The following C8orf34 variants were observed in gnomAD, a reference collection of about 807,000 sequenced individuals.
C8orf34 encodes the protein uncharacterized protein C8orf34.
In C8orf34, 65 loss-of-function variants were observed where a neutral mutation model predicts 68.3. The ratio of observed to expected loss-of-function variants is 0.95; its 90% CI spans 0.78 to 1.17. The LOEUF (loss-of-function observed/expected upper bound fraction) is 1.17, where lower values mean the gene tolerates loss of function less well. Ranked by LOEUF, C8orf34 falls within the 50% of genes most tolerant of loss-of-function variation. C8orf34 has a pLI of 0.00. For missense variants in C8orf34, 664 were observed against 655.4 expected (o/e 1.01, Z -0.14); for synonymous variants, 244 against 241.2 (o/e 1.01, Z -0.11).
At chr8:68,425,354 C>G (rs1404327124) in intron 1 of C8orf34, among the ~76,000 whole-genome samples, 2 of 152,076 alleles carry the variant, frequency 1.3e-5, no homozygotes, top group Non-Finnish European at 2.9e-5. Flanking sequence ...TTTCTATTTG[C>G]AAATGACATG....
chr8:68,749,687 A>G (rs1156260860), intron 10 of C8orf34, among the ~76,000 whole-genome samples: 1 of 152,212 alleles, frequency 6.6e-6, no homozygotes, highest in Admixed American at 6.5e-5. Flanking sequence ...ATATAAATGG[A>G]ATAATACTGT....
At chr8:68,467,758 G>A (rs1812211086) in intron 3 of C8orf34, among the ~76,000 whole-genome samples, 1 of 151,768 alleles carries the variant, frequency 6.6e-6, no homozygotes, top group South Asian at 2.1e-4. Context: ...TCCCTAGTTG[G>A]GTATACAGTT....
intron 10 of C8orf34, among the ~76,000 whole-genome samples, chr8:68,737,052 A>G (rs1442991375): frequency 6.6e-6 from 1 of 152,138 alleles, no homozygotes; most frequent in East Asian, 1.9e-4. Context: ...CCATAGTGTC[A>G]GTACAACTAT....
At chr8:68,597,072 G>A (rs1447500862) in intron 7 of C8orf34, among the ~76,000 whole-genome samples, 1 of 152,094 alleles carries the variant, frequency 6.6e-6, no homozygotes, top group Non-Finnish European at 1.5e-5. Flanking sequence ...TTAAAGTAAT[G>A]TTATGCAGTC....
intron 1 of C8orf34, among the ~76,000 whole-genome samples, chr8:68,333,658 T>C (rs1401968593): frequency 6.6e-6 from 1 of 152,196 alleles, no homozygotes; most frequent in East Asian, 1.9e-4. Context: ...TCTAGGACCT[T>C]ACTCAATAGT....
At chr8:68,718,002 C>G (rs1365107363) in intron 9 of C8orf34, among the ~76,000 whole-genome samples, 1 of 152,182 alleles carries the variant, frequency 6.6e-6, no homozygotes, top group African/African-American at 2.4e-5. Context: ...GGTTTCTGCT[C>G]ATAGATATTC....
At chr8:68,598,069 G>A (rs1203562009) in intron 7 of C8orf34, among the ~76,000 whole-genome samples, 1 of 149,628 alleles carries the variant, frequency 6.7e-6, no homozygotes, top group Non-Finnish European at 1.5e-5. Context: ...TTAAGCTAAG[G>A]TGACTGCTTG....
intron 1 of C8orf34, among the ~76,000 whole-genome samples, chr8:68,400,705 T>C (rs934792978): frequency 6.6e-6 from 1 of 152,108 alleles, no homozygotes; most frequent in Non-Finnish European, 1.5e-5. Context: ...GGACTACAAG[T>C]GTGCACCACC....
chr8:68,765,126 A>C (rs1476179905), intron 10 of C8orf34, among the ~76,000 whole-genome samples: 1 of 152,226 alleles, frequency 6.6e-6, no homozygotes, highest in Non-Finnish European at 1.5e-5. Flanking sequence ...TATAATAATG[A>C]CAGCCAGGGA....
At chr8:68,529,405 A>G (rs1409364153) in intron 6 of C8orf34, among the ~76,000 whole-genome samples, 1 of 152,206 alleles carries the variant, frequency 6.6e-6, no homozygotes, top group Non-Finnish European at 1.5e-5. Context: ...TTATTTATTC[A>G]AATATTTTCC....
chr8:68,394,847 GA>G (rs1400103575), intron 1 of C8orf34, among the ~76,000 whole-genome samples: 1 of 151,940 alleles, frequency 6.6e-6, no homozygotes, highest in Non-Finnish European at 1.5e-5. Flanking sequence ...CTATACTGTA[GA>G]AAATACTAAG....
At chr8:68,379,264 G>C (rs985288646) in intron 1 of C8orf34, among the ~76,000 whole-genome samples, 1 of 152,144 alleles carries the variant, frequency 6.6e-6, no homozygotes, top group African/African-American at 2.4e-5. Context: ...GAAGATTTTT[G>C]CACCTTTAAG....
chr8:68,561,857 A>G lies in C8orf34; in HGVS notation c.1105+28708A>G, dbSNP rs570857066. ...GGCCTACACAGGGTCAGCATCATCA[A>G]TGTCACTTTCTTCCACCTCCACATC... On this transcript the variant is annotated intron_variant, in intron 7 of 13. Coordinates refer to ENST00000518698, the MANE Select transcript of C8orf34 (RefSeq NM_052958.4). Among the ~76,000 whole-genome samples the G allele has an allele frequency of 1.2e-4, 19 of 152,218 alleles. No individual in the cohort carries two copies. The South Asian group carries it at 3.9e-3, about 32-fold the overall frequency.
chr8:68,556,383 C>A (rs1816255742), intron 7 of C8orf34, among the ~76,000 whole-genome samples: 1 of 147,796 alleles, frequency 6.8e-6, no homozygotes. Flanking sequence ...ACTAAAACTA[C>A]TATGAATTTT....
chr8:68,364,790 G>A (rs1292876629), intron 1 of C8orf34, among the ~76,000 whole-genome samples: 9 of 149,322 alleles, frequency 6.0e-5, no homozygotes, highest in African/African-American at 2.0e-4. Context: ...ACAAGAGAAA[G>A]CAGGAAAGAT....
chr8:68,612,487 G>A (rs1055758735), intron 7 of C8orf34, among the ~76,000 whole-genome samples: 7 of 151,000 alleles, frequency 4.6e-5, no homozygotes, highest in African/African-American at 9.7e-5. Flanking sequence ...ATCTTGCCCC[G>A]GCTCAAGAAA....
intron 1 of C8orf34, among the ~76,000 whole-genome samples, chr8:68,418,960 C>A (rs1809809083): frequency 1.3e-5 from 2 of 148,958 alleles, no homozygotes; most frequent in Non-Finnish European, 1.5e-5. Context: ...GCAATGGCAA[C>A]AAAAGCCAAA....
chr8:68,696,300 CTA>C (rs565832106), intron 8 of C8orf34, among the ~76,000 whole-genome samples: 5 of 146,766 alleles, frequency 3.4e-5, no homozygotes, highest in African/African-American at 9.9e-5. Flanking sequence ...AAAATAGGGA[CTA>C]TATATATATC....
intron 1 of C8orf34, among the ~76,000 whole-genome samples, chr8:68,424,672 G>A (rs150952011): frequency 3.3e-4 from 50 of 152,104 alleles, no homozygotes; most frequent in African/African-American, 1.1e-3. Flanking sequence ...AGGCTGAGGC[G>A]GGCAGATCAC....
Sources: gnomAD v4.1 joint callset for allele counts (sites outside exome capture counted in the v4.1 genomes callset) on GRCh38, gnomAD v4.1.1 for gene constraint, MANE v1.5 for transcripts, NCBI Gene and HGNC (gene_info 2026-07-23, HGNC 2026-07-21) for gene names.